Variants in FBLN1 observed in about 807,000 individuals in gnomAD.
FBLN1 encodes fibulin 1, also known as fibulin-1.
FBLN1 carries 34 observed loss-of-function variants against 89.7 expected under a neutral mutation model. The observed-to-expected ratio is 0.38, with a 90% CI of 0.29 to 0.50. The LOEUF is 0.50. Ranked by LOEUF, FBLN1 falls within the 20% of genes least tolerant of loss-of-function variation. The pLI, the probability that FBLN1 is intolerant of heterozygous loss-of-function variation, is 0.92. For synonymous variants in FBLN1, 393 were observed against 391.3 expected, an observed-to-expected ratio of 1.00 and a Z score of -0.05; for missense variants, 777 against 988.1, an observed-to-expected ratio of 0.79 and a Z score of 2.86.
At position 45,525,667 on chromosome 22, in the gene FBLN1, A is replaced by C. The variant is rs2088317267; in HGVS notation, c.310A>C (p.Thr104Pro). ...PHGDNASLEA[T>P]FVKRCCHCCL... ...CGGTGACAACGCCAGCCTGGAGGCCACATTTGTGAAGGTGAGAGCCAAAGA... is the reference window on the plus strand; with the variant it reads ...CGGTGACAACGCCAGCCTGGAGGCCCCATTTGTGAAGGTGAGAGCCAAAGA... The change falls in exon 3 of 17, where the codon ACA becomes CCA. Residue 104 changes from threonine (T) to proline (P), a missense_variant. Coordinates refer to ENST00000327858, the MANE Select transcript of FBLN1 (RefSeq NM_006486.3). The C allele has an allele frequency of 6.4e-7, 1 of 1,551,362 alleles. No homozygotes were observed. Among genetic ancestry groups the C allele is most frequent in the Non-Finnish European group, 8.7e-7 (1 of 1,147,046 alleles).
chr22:45,547,302 C>G, intron 12 of FBLN1, 98 bp downstream of exon 12: 2 of 1,530,770 alleles, frequency 1.3e-6, no homozygotes. Context: ...AGGGAAGAGC[C>G]TGCTGGGATT....
At position 45,531,462 on chromosome 22, in the gene FBLN1, G is replaced by T; in HGVS notation, c.544+138G>T. ...TTGAGCCCAGGAGGTTGTGGCTGCA[G>T]TGAGCTATGACTGCACCTTTGCACT... is the stretch of plus-strand genomic sequence containing the variant. On this transcript the variant is annotated intron_variant, in intron 5 of 16. Coordinates refer to ENST00000327858, the MANE Select transcript of FBLN1 (RefSeq NM_006486.3). The surrounding 1 kb of genome is among the most constrained non-coding windows in gnomAD (Gnocchi z 4.9). The T allele has an allele frequency of 1.3e-6, 1 of 748,458 alleles. No homozygotes were observed. The highest frequency in any genetic ancestry group is 2.6e-5 in the East Asian group (1 of 38,658). The allele number at this position is 748,458 out of a possible 1,614,324, so 46.4% of individuals were successfully genotyped here. A position where few individuals can be genotyped will look rare whatever the true frequency, so the allele number is the denominator to read the frequency against.
chr22:45,549,749 C>G lies in FBLN1; in HGVS notation c.1574-743C>G, dbSNP rs767586917. Reference sequence around the variant, plus strand: ...CCCAGGGTTGGTGACAGCCCCTGAGCCCCACTGTTTGGCTGCTCCAGAGTC... The same window carrying G: ...CCCAGGGTTGGTGACAGCCCCTGAGGCCCACTGTTTGGCTGCTCCAGAGTC... On this transcript the variant is annotated intron_variant, in intron 13 of 16. Transcript: ENST00000327858. This position sits in a 1 kb window ranked among gnomAD's most constrained non-coding sequence, Gnocchi z 5.7. 7.2e-5 allele frequency among the ~76,000 whole-genome samples: 11 copies of G among 152,128 alleles called. No homozygotes were observed. The highest frequency in any genetic ancestry group is 1.3e-4 in the Non-Finnish European group (9 of 68,002).
Position 45,545,931 on chromosome 22 carries a change from T to G in FBLN1, c.1322-1154T>G, listed in dbSNP as rs933744894. On this transcript the variant is annotated intron_variant, in intron 11 of 16. Coordinates refer to ENST00000327858, the MANE Select transcript of FBLN1 (RefSeq NM_006486.3). The surrounding 1 kb of genome is among the most constrained non-coding windows in gnomAD (Gnocchi z 5.9). ...GGGAGGCTGAGGCAGGTGGATTACTTGAGGTCAGGAGTTCGAGACCAGTAT... is the reference window on the plus strand; with the variant it reads ...GGGAGGCTGAGGCAGGTGGATTACTGGAGGTCAGGAGTTCGAGACCAGTAT... Among the ~76,000 whole-genome samples the G allele has an allele frequency of 6.6e-6, 1 of 152,098 alleles. No individual in the cohort carries two copies. Among genetic ancestry groups the G allele is most frequent in the Non-Finnish European group, 1.5e-5 (1 of 68,010 alleles).
intron 14 of FBLN1, chr22:45,565,362 C>A: frequency 9.1e-7 from 1 of 1,100,520 alleles, no homozygotes; most frequent in Non-Finnish European, 1.2e-6. Flanking sequence ...CATCCATGTG[C>A]TTGTACCCTG....
At chr22:45,593,993 GACCAGGT>G (rs2089161633) in intron 16 of FBLN1, among the ~76,000 whole-genome samples, 1 of 152,228 alleles carries the variant, frequency 6.6e-6, no homozygotes, top group Admixed American at 6.5e-5. Flanking sequence ...AGTGGAAAGA[GACCAGGT>G]GCCAGGTGAC....
At chr22:45,596,031 G>C (rs557244790) in intron 16 of FBLN1, among the ~76,000 whole-genome samples, 1 of 152,202 alleles carries the variant, frequency 6.6e-6, no homozygotes, top group African/African-American at 2.4e-5. Flanking sequence ...CACCACGCTC[G>C]GCTAATTTTT....
chr22:45,516,107 A>G (rs951318264), intron 1 of FBLN1, among the ~76,000 whole-genome samples: 17 of 152,120 alleles, frequency 1.1e-4, no homozygotes, highest in African/African-American at 3.9e-4. Flanking sequence ...CGAGCTATGC[A>G]GGGTGGGCAG....
At chr22:45,510,261 G>A (rs933693218) in intron 1 of FBLN1, among the ~76,000 whole-genome samples, 8 of 152,092 alleles carry the variant, frequency 5.3e-5, no homozygotes, top group Non-Finnish European at 8.8e-5. Flanking sequence ...AGATGGAATC[G>A]GGCCGGCTTT....
At chr22:45,585,313 C>T (rs1252494069) in intron 16 of FBLN1, among the ~76,000 whole-genome samples, 1 of 152,204 alleles carries the variant, frequency 6.6e-6, no homozygotes, top group Non-Finnish European at 1.5e-5. Context: ...CAGGCAAGGC[C>T]TCAGTCAAGG....
Position 45,530,412 on chromosome 22 carries a change from G to A in FBLN1, c.485-853G>A, listed in dbSNP as rs1028632812. On this transcript the variant is annotated intron_variant, in intron 4 of 16. Transcript: ENST00000327858. The surrounding 1 kb of genome is among the most constrained non-coding windows in gnomAD (Gnocchi z 5.4). ...TCCTCGCATGCTCCCTCCTCTGGGA[G>A]GGCTTCCTGTCTTCACAGCCGCACC... is the stretch of plus-strand genomic sequence containing the variant. Among the ~76,000 whole-genome samples the A allele has an allele frequency of 6.6e-6, 1 of 152,012 alleles. No homozygotes were observed. Among genetic ancestry groups the A allele is most frequent in the African/African-American group, 2.4e-5 (1 of 41,388 alleles).
chr22:45,539,738 T>C (rs1478060947), intron 8 of FBLN1, among the ~76,000 whole-genome samples: 4 of 152,210 alleles, frequency 2.6e-5, no homozygotes, highest in Non-Finnish European at 5.9e-5. Context: ...TTTACATTGA[T>C]TTGCTGTCTG....
At position 45,577,019 on chromosome 22, in the gene FBLN1, G is replaced by T; in HGVS notation, c.1883G>T (p.Ser628Ile). ...GCCATCACGCCACCGCATCCTGCCA[G>T]CCAGGCTAACATCATCTTCGACATC... ...LRAITPPHPA[S>I]QANIIFDITE... The change falls in exon 16 of 17, where the codon AGC (serine) becomes ATC (isoleucine). Residue 628 changes from serine (S) to isoleucine (I), a missense_variant. Transcript: ENST00000327858. This position sits in a 1 kb window ranked among gnomAD's most constrained non-coding sequence, Gnocchi z 6.6. 1 of 1,614,128 alleles carries T rather than the reference G, an allele frequency of 6.2e-7. No homozygotes were observed. The highest frequency in any genetic ancestry group is 8.5e-7 in the Non-Finnish European group (1 of 1,180,034).
rs778489146 is a variant in FBLN1 at position 45,591,224 on chromosome 22, C to T, written c.1973-9083C>T. Among the ~76,000 whole-genome samples the T allele has an allele frequency of 3.7e-4, 56 of 152,146 alleles. 1 individual carries two copies. Among genetic ancestry groups the T allele is most frequent in the Non-Finnish European group, 4.4e-5 (3 of 68,024 alleles). ...TGATTGTCAGCAACTCACGTAACCA[C>T]ACAGAGCCAAATTTTCTCCCCGGTG... is the stretch of plus-strand genomic sequence containing the variant. On this transcript the variant is annotated intron_variant, in intron 16 of 16. Transcript: ENST00000327858.
chr22:45,600,575 G>C lies in FBLN1; in HGVS notation c.*129G>C. ...GGTATTTGTAGCATTAGGCCAACAT[G>C]TATTAAGCTGAGCCAGATGAATAAG... On this transcript the variant is annotated 3_prime_UTR_variant, in exon 17 of 17. Transcript: ENST00000327858. The C allele has an allele frequency of 3.7e-6, 4 of 1,066,758 alleles. No homozygotes were observed. Among genetic ancestry groups the C allele is most frequent in the Non-Finnish European group, 5.8e-6 (4 of 686,872 alleles). 66.1% of individuals were successfully genotyped at this position (1,066,758 alleles called of 1,614,324 possible). A position where few individuals can be genotyped will look rare whatever the true frequency, so the allele number is the denominator to read the frequency against.
At chr22:45,568,926 G>A (rs544711159) in intron 14 of FBLN1, among the ~76,000 whole-genome samples, 14 of 152,346 alleles carry the variant, frequency 9.2e-5, no homozygotes, top group East Asian at 7.7e-4. Flanking sequence ...TCCTTGGCTC[G>A]CAGCTACATC....
At chr22:45,515,858 G>A (rs1302716412) in intron 1 of FBLN1, among the ~76,000 whole-genome samples, 1 of 152,232 alleles carries the variant, frequency 6.6e-6, no homozygotes, top group Non-Finnish European at 1.5e-5. Context: ...GGGTTAGAGA[G>A]CAAGAAAGTG....
At position 45,545,513 on chromosome 22, in the gene FBLN1, A is replaced by T. The variant is rs931101386; in HGVS notation, c.1322-1572A>T. Among the ~76,000 whole-genome samples the T allele has an allele frequency of 2.6e-5, 4 of 152,200 alleles. No individual in the cohort carries two copies. The highest frequency in any genetic ancestry group is 7.2e-5 in the African/African-American group (3 of 41,432). ...ATAAATTGCTGAAAAGTCGGCATTC[A>T]TATCCACATTAGTGGACAATATTGT... is the stretch of plus-strand genomic sequence containing the variant. On this transcript the variant is annotated intron_variant, in intron 11 of 16. Transcript: ENST00000327858. The surrounding 1 kb of genome is among the most constrained non-coding windows in gnomAD (Gnocchi z 5.9).
rs947633442 is a variant in FBLN1, at chr22:45,576,802, G to A, written c.1841-175G>A. On this transcript the variant is annotated intron_variant, in intron 15 of 16. Transcript: ENST00000327858. This position sits in a 1 kb window ranked among gnomAD's most constrained non-coding sequence, Gnocchi z 5.2. Reference sequence around the variant, plus strand: ...ACAGGGATGGGCTATGATATAGGAAGGTCCAGACCCCTCCACCCTCCCCAC... The same window carrying A: ...ACAGGGATGGGCTATGATATAGGAAAGTCCAGACCCCTCCACCCTCCCCAC... 6.6e-6 allele frequency among the ~76,000 whole-genome samples: 1 copy of A among 152,152 alleles called. No homozygotes were observed. The highest frequency in any genetic ancestry group is 2.4e-5 in the African/African-American group (1 of 41,428).
Sources: gnomAD v4.1 joint callset for allele counts (sites outside exome capture counted in the v4.1 genomes callset) on GRCh38, gnomAD v4.1.1 for gene constraint, Gnocchi (gnomAD v3.1) non-coding constraint, MANE v1.5 for transcripts, NCBI Gene and HGNC (gene_info 2026-07-23, HGNC 2026-07-21) for gene names.